The following MYO19 variants were observed in gnomAD, a reference collection of about 807,000 sequenced individuals.
MYO19 encodes the protein myosin XIX, also known as unconventional myosin-XIX.
A neutral mutation model predicts 129.2 loss-of-function variants in MYO19; 132 were observed. The observed-to-expected ratio is 1.02, with a 90% CI of 0.89 to 1.18. MYO19 has a LOEUF of 1.18. Among genes scored for constraint, MYO19 ranks in the 50% most tolerant of loss-of-function variants. MYO19 has a pLI of 0.00. For synonymous variants in MYO19, 531 were observed against 477.2 expected (o/e 1.11, Z -1.47); for missense variants, 1,210 against 1,216.7 (o/e 0.99, Z 0.08).
chr17:36,514,275 C>T (rs904879750), intron 9 of MYO19, among the ~76,000 whole-genome samples, 171 bp downstream of exon 9: 11 of 152,132 alleles, frequency 7.2e-5, no homozygotes, highest in African/African-American at 2.4e-4. Context: ...GGAGCCAAGG[C>T]GCAGTGTGAG....
intron 6 of MYO19, 91 bp from the exon 7 acceptor site, chr17:36,516,081 T>C: frequency 7.1e-7 from 1 of 1,409,168 alleles, no homozygotes; most frequent in Non-Finnish European, 9.4e-7. Context: ...AGAGCTCTCT[T>C]CTCCACCAGT....
chr17:36,504,150 T>C (rs938230199), intron 19 of MYO19, 130 bp from the exon 20 acceptor site: 68 of 624,000 alleles, frequency 1.1e-4, no homozygotes, highest in Non-Finnish European at 1.5e-4. Flanking sequence ...GCTTGGCTAA[T>C]GGGGGTATCT....
rs61555045 is a variant in MYO19, at chr17:36,510,480, A to G, written c.1157+266T>C. Among the ~76,000 whole-genome samples, 710 of 152,340 alleles carry G rather than the reference A, an allele frequency of 4.7e-3. 10 individuals are homozygous for G. Among genetic ancestry groups the G allele is most frequent in the African/African-American group, 0.017 (692 of 41,572 alleles). ...CTCTTCACCTTGCTGAGGCTAAAGC[A>G]GCCTCCTGAACTTTAATAATGAGCT... On this transcript the variant is annotated intron_variant, in intron 13 of 25. Transcript: ENST00000614623.
rs1295349603 is a variant in MYO19 at position 36,531,191 on chromosome 17, G to A, written c.12+1336C>T. On this transcript the variant is annotated intron_variant, in intron 3 of 25. Coordinates refer to ENST00000614623, the MANE Select transcript of MYO19 (RefSeq NM_001163735.2). ...GGGTGGATCACGAGGTCAGGAGATC[G>A]AGACCATCCTGGCTAACACGGTGAA... Among the ~76,000 whole-genome samples, 5 of 151,890 alleles carry A rather than the reference G, an allele frequency of 3.3e-5. No homozygotes were observed. In the East Asian group the frequency reaches 9.7e-4, roughly 29 times the overall value.
At chr17:36,527,200 A>T (rs1261718023) in intron 5 of MYO19, among the ~76,000 whole-genome samples, 2 of 152,000 alleles carry the variant, frequency 1.3e-5, no homozygotes, top group South Asian at 2.1e-4. Flanking sequence ...ATAATAATAA[A>T]AAATAAAAAG....
At chr17:36,513,527 G>C (rs1391726720) in intron 10 of MYO19, 22 bp from the exon 11 acceptor site, 1 of 1,613,868 alleles carries the variant, frequency 6.2e-7, no homozygotes. Flanking sequence ...TCCAAGTTCG[G>C]GGCAGAGGTC....
At chr17:36,504,952 G>T in intron 19 of MYO19, 2 of 322,454 alleles carry the variant, frequency 6.2e-6, no homozygotes, top group Non-Finnish European at 1.2e-5. Context: ...TACCTCCAGT[G>T]AGAAATGGCT....
At chr17:36,512,518 A>C (rs1599308705) in intron 11 of MYO19, 1 of 949,966 alleles carries the variant, frequency 1.1e-6, no homozygotes, top group East Asian at 7.1e-5. Context: ...AACTTGCTCC[A>C]GAAGACTGCC....
At chr17:36,523,005 C>CAA (rs35950584) in intron 6 of MYO19, among the ~76,000 whole-genome samples, 9 of 85,402 alleles carry the variant, frequency 1.1e-4, no homozygotes, top group African/African-American at 3.5e-4. Context: ...GACTCCGTCT[C>CAA]AAAAAAAAAA....
At chr17:36,508,076 G>C in intron 14 of MYO19, 152 bp from the exon 15 acceptor site, 2 of 738,388 alleles carry the variant, frequency 2.7e-6, no homozygotes, top group Non-Finnish European at 4.0e-6. Context: ...GTGGTGGGCA[G>C]AACATACCTT....
intron 6 of MYO19, among the ~76,000 whole-genome samples, chr17:36,521,282 G>A (rs76431813): frequency 0.07 from 10,694 of 152,200 alleles, 629 homozygotes; most frequent in African/African-American, 0.16. Context: ...AATATGAACA[G>A]ACACTCTAGG....
chr17:36,531,114 G>A (rs953187964), intron 3 of MYO19, among the ~76,000 whole-genome samples: 4 of 151,914 alleles, frequency 2.6e-5, no homozygotes, highest in African/African-American at 9.7e-5. Flanking sequence ...AAATTTGGAG[G>A]CTGGGCGCGG....
chr17:36,500,329 T>C (rs1359656768), intron 23 of MYO19: 1 of 154,990 alleles, frequency 6.5e-6, no homozygotes, highest in Non-Finnish European at 1.4e-5. Context: ...GATGGTCCAG[T>C]CCATCATTTG....
Position 36,499,246 on chromosome 17 carries a change from G to T in MYO19, c.2378-86C>A. On this transcript the variant is annotated intron_variant, in intron 23 of 25. Transcript: ENST00000614623. ...ACCTCGCTGCAGCAGCACCACAGTTGCTGTCAAAGTTTCAAATACGTTTTT... is the reference window on the plus strand; with the variant it reads ...ACCTCGCTGCAGCAGCACCACAGTTTCTGTCAAAGTTTCAAATACGTTTTT... The T allele has an allele frequency of 6.4e-6, 6 of 939,700 alleles. 1 individual carries two copies. Among genetic ancestry groups the T allele is most frequent in the Non-Finnish European group, 9.7e-6 (6 of 619,878 alleles). 58.2% of individuals were successfully genotyped at this position (939,700 alleles called of 1,614,324 possible). A position where few individuals can be genotyped will look rare whatever the true frequency, so the allele number is the denominator to read the frequency against.
chr17:36,505,594 C>A (rs1298129711), intron 18 of MYO19, among the ~76,000 whole-genome samples, 190 bp from the exon 19 acceptor site: 2 of 152,234 alleles, frequency 1.3e-5, no homozygotes, highest in Non-Finnish European at 2.9e-5. Flanking sequence ...CCTCTCCCAA[C>A]TTCCCATGCT....
chr17:36,523,908 C>A (rs950403010), intron 6 of MYO19, among the ~76,000 whole-genome samples: 1 of 152,190 alleles, frequency 6.6e-6, no homozygotes, highest in Non-Finnish European at 1.5e-5. Flanking sequence ...GGTTGAAAGA[C>A]AAGGAGCAGG....
chr17:36,531,583 CCTTT>C (rs1218193441), intron 3 of MYO19, among the ~76,000 whole-genome samples: 1 of 151,482 alleles, frequency 6.6e-6, no homozygotes, highest in Non-Finnish European at 1.5e-5. Context: ...TATTGATATA[CCTTT>C]TTTTTAATAA....
At chr17:36,536,115 G>A (rs578124032), upstream of MYO19, among the ~76,000 whole-genome samples, 3 of 152,186 alleles carry the variant, frequency 2.0e-5, no homozygotes, top group East Asian at 5.8e-4. Flanking sequence ...GGCATTCAGA[G>A]GTGTTTTACA....
At position 36,495,850 on chromosome 17, in the gene MYO19, C is replaced by G; in HGVS notation, c.*401G>C. 8.1e-7 allele frequency: 1 copy of G among 1,239,858 alleles called. No individual in the cohort carries two copies. Among genetic ancestry groups the G allele is most frequent in the Non-Finnish European group, 1.0e-6 (1 of 992,742 alleles). The allele number at this position is 1,239,858 out of a possible 1,614,324, so 76.8% of individuals were successfully genotyped here. On this transcript the variant is annotated 3_prime_UTR_variant, in exon 26 of 26. Coordinates refer to ENST00000614623, the MANE Select transcript of MYO19 (RefSeq NM_001163735.2). ...TTTGTTCCTTTTTAAAGGAAATAAC[C>G]ACAAGATTTTTCCCAGCCCAAATTC...
Sources: allele counts gnomAD v4.1 joint callset (sites outside exome capture counted in the v4.1 genomes callset), GRCh38; gene constraint gnomAD v4.1.1; transcripts MANE v1.5; gene names NCBI Gene and HGNC (gene_info 2026-07-23, HGNC 2026-07-21).